Variants in SLC12A2 observed in about 807,000 individuals in gnomAD.
SLC12A2 encodes Na-K-2Cl cotransporter 1.
A neutral mutation model predicts 136.3 loss-of-function variants in SLC12A2; 67 were observed. The ratio of observed to expected loss-of-function variants is 0.49; its 90% confidence interval spans 0.40 to 0.60. The LOEUF is 0.60. SLC12A2 is among the 20% of genes least tolerant of loss of function. The pLI is 0.00. For synonymous variants in SLC12A2, 619 were observed against 562.9 expected, an observed-to-expected ratio of 1.10 and a Z score of -1.41; for missense variants, 1,322 against 1,534.7, an observed-to-expected ratio of 0.86 and a Z score of 2.32.
intron 1 of SLC12A2, among the ~76,000 whole-genome samples, chr5:128,088,501 A>G (rs1050798479): frequency 2.0e-5 from 3 of 152,214 alleles, no homozygotes; most frequent in Non-Finnish European, 2.9e-5. Context: ...TAGACAATCC[A>G]TACTAGCTCC....
intron 12 of SLC12A2, 75 bp downstream of exon 12, chr5:128,148,952 T>A: frequency 8.1e-7 from 1 of 1,236,746 alleles, no homozygotes; most frequent in Non-Finnish European, 1.1e-6. Flanking sequence ...ATTAAATTAT[T>A]AACAATGTTA....
intron 10 of SLC12A2, among the ~76,000 whole-genome samples, chr5:128,145,988 A>G (rs1323684855): frequency 1.3e-5 from 2 of 151,976 alleles, no homozygotes; most frequent in Non-Finnish European, 2.9e-5. Flanking sequence ...ACAATAGTTG[A>G]ATCCACTAAA....
chr5:128,186,382 A>G lies in SLC12A2; in HGVS notation c.3504-114A>G, dbSNP rs937920330. 1.7e-5 allele frequency: 17 copies of G among 1,014,680 alleles called. No homozygotes were observed. In the Admixed American group the frequency reaches 1.7e-4, roughly 10 times the overall value. The allele number at this position is 1,014,680 out of a possible 1,614,324, so 62.9% of individuals were successfully genotyped here. A position where few individuals can be genotyped will look rare whatever the true frequency, so the allele number is the denominator to read the frequency against. ...CTGCACTCAGAAATATTCTGTAATTATAGTAATTTACAGTAACTGTTATTG... is the reference window on the plus strand; with the variant it reads ...CTGCACTCAGAAATATTCTGTAATTGTAGTAATTTACAGTAACTGTTATTG... On this transcript the variant is annotated intron_variant, in intron 26 of 26. Coordinates refer to ENST00000262461, the MANE Select transcript of SLC12A2 (RefSeq NM_001046.3).
At chr5:128,153,767 C>CT (rs1762785004) in intron 15 of SLC12A2, among the ~76,000 whole-genome samples, 1 of 152,122 alleles carries the variant, frequency 6.6e-6, no homozygotes, top group African/African-American at 2.4e-5. Context: ...TACCCAGTCT[C>CT]TCTCTCAGTA....
intron 12 of SLC12A2, 99 bp downstream of exon 12, chr5:128,148,976 A>T: frequency 9.5e-7 from 1 of 1,052,950 alleles, no homozygotes; most frequent in Non-Finnish European, 1.3e-6. Context: ...TGGTATACTA[A>T]GTTTCTTTGT....
chr5:128,130,897 G>A (rs556760489), intron 4 of SLC12A2, among the ~76,000 whole-genome samples, 170 bp from the exon 5 acceptor site: 38 of 152,212 alleles, frequency 2.5e-4, no homozygotes, highest in African/African-American at 8.7e-4. Flanking sequence ...CGTGTTTTGT[G>A]AAATATTCTT....
At position 128,083,988 on chromosome 5, in the gene SLC12A2, G is replaced by A; in HGVS notation, c.34G>A (p.Ala12Thr). Residue 12 changes from alanine (A) to threonine (T), a missense_variant, in exon 1 of 27, where the codon GCC (alanine) becomes ACC (threonine). Transcript: ENST00000262461. ...EPRPTAPSSG[A>T]PGLAGVGETP... ...GCGGCCCACGGCGCCCTCCTCCGGC[G>A]CCCCGGGACTGGCCGGGGTCGGGGA... 1 of 1,243,244 alleles carries A rather than the reference G, an allele frequency of 8.0e-7. No individual in the cohort carries two copies. The highest frequency in any genetic ancestry group is 4.3e-5 in the Admixed American group (1 of 23,390). 77.0% of individuals were successfully genotyped at this position (1,243,244 alleles called of 1,614,324 possible).
chr5:128,173,947 G>T (rs566304920), intron 19 of SLC12A2, among the ~76,000 whole-genome samples: 7 of 152,260 alleles, frequency 4.6e-5, no homozygotes, highest in Admixed American at 2.0e-4. Flanking sequence ...ACTCCATTTG[G>T]TGGTCTTGGT....
At chr5:128,098,106 A>G (rs1112956) in intron 1 of SLC12A2, among the ~76,000 whole-genome samples, 125,384 of 152,042 alleles carry the variant, frequency 0.82, 52,376 homozygotes, top group African/African-American at 0.95. Context: ...TTTACCTTTG[A>G]CTTTCAGCAG....
intron 5 of SLC12A2, among the ~76,000 whole-genome samples, chr5:128,133,500 T>C (rs577759540): frequency 1.3e-4 from 20 of 152,272 alleles, no homozygotes; most frequent in Middle Eastern, 3.4e-3. Flanking sequence ...ATCTGTACTT[T>C]AGTCAATTGC....
chr5:128,156,828 G>C (rs1561692754), intron 15 of SLC12A2, among the ~76,000 whole-genome samples: 1 of 152,118 alleles, frequency 6.6e-6, no homozygotes. Flanking sequence ...AGAATGTATG[G>C]AGGCAGCACA....
rs547287105 is a variant in SLC12A2 at position 128,164,990 on chromosome 5, G to A, written c.2617-2771G>A. Among the ~76,000 whole-genome samples, 124 of 151,808 alleles carry A rather than the reference G, an allele frequency of 8.2e-4. No individual in the cohort carries two copies. The Middle Eastern group carries it at 0.017, about 21-fold the overall frequency. On this transcript the variant is annotated intron_variant, in intron 17 of 26. Transcript: ENST00000262461. ...CCTGAGTAGCTGGGACCATAGGCGTGCGCTACCATGGCTGGCTAGTTTTTG... is the reference window on the plus strand; with the variant it reads ...CCTGAGTAGCTGGGACCATAGGCGTACGCTACCATGGCTGGCTAGTTTTTG...
chr5:128,094,668 T>A (rs2126644429), intron 1 of SLC12A2, among the ~76,000 whole-genome samples: 1 of 152,210 alleles, frequency 6.6e-6, no homozygotes, highest in South Asian at 2.1e-4. Flanking sequence ...TAGAAAAATG[T>A]TCAAAAAATT....
chr5:128,160,042 G>A (rs1366401034), intron 16 of SLC12A2, among the ~76,000 whole-genome samples: 1 of 152,150 alleles, frequency 6.6e-6, no homozygotes, highest in Non-Finnish European at 1.5e-5. Flanking sequence ...TATACACAAT[G>A]GAATACTATG....
In SLC12A2 at chr5:128,084,162, A is replaced by G. The variant is rs1343216649; in HGVS notation, c.208A>G (p.Arg70Gly). 1 of 1,300,382 alleles carries G rather than the reference A, an allele frequency of 7.7e-7. No individual in the cohort carries two copies. The highest frequency in any genetic ancestry group is 2.3e-5 in the South Asian group (1 of 43,054). The allele number at this position is 1,300,382 out of a possible 1,614,324, so 80.6% of individuals were successfully genotyped here. ...GPAAAGDGLG[R>G]PLGPTPSQSR... is the part of the protein sequence containing the mutation. ...CGCGGCGGCCGGGGACGGGCTGGGC[A>G]GACCCTTGGGGCCCACCCCGAGCCA... Residue 70 changes from arginine to glycine, a missense_variant, in exon 1 of 27, where the codon AGA becomes GGA. By Grantham distance (125) the Arg-to-Gly change is moderately radical. Around this residue, in one of 8 missense-constraint regions of SLC12A2, gnomAD observed 358 missense variants for 299.7 expected, o/e 1.19. Coordinates refer to ENST00000262461, the MANE Select transcript of SLC12A2 (RefSeq NM_001046.3). This position sits in a 1 kb window ranked among gnomAD's most constrained non-coding sequence, Gnocchi z 5.6.
chr5:128,107,064 T>G (rs942499295), intron 1 of SLC12A2, among the ~76,000 whole-genome samples: 1 of 152,216 alleles, frequency 6.6e-6, no homozygotes, highest in Admixed American at 6.5e-5. Flanking sequence ...TCCTTAAAGT[T>G]TGTTGAATTA....
At chr5:128,132,146 G>A (rs1762045485) in intron 5 of SLC12A2, among the ~76,000 whole-genome samples, 1 of 152,158 alleles carries the variant, frequency 6.6e-6, no homozygotes, top group Non-Finnish European at 1.5e-5. Context: ...TTGGGATTGG[G>A]GGGCGTGACA....
intron 4 of SLC12A2, among the ~76,000 whole-genome samples, chr5:128,115,720 C>T (rs1448029423): frequency 1.3e-5 from 2 of 152,184 alleles, no homozygotes; most frequent in Non-Finnish European, 2.9e-5. Flanking sequence ...TTTCATCTGC[C>T]TCAACTGTTT....
chr5:128,147,649 C>G lies in SLC12A2; in HGVS notation c.1801C>G (p.Pro601Ala). ...AATGAGTATGGTGTCAGGATTTACACCACTAATTTCTGCAGGTATATTTTC... is the reference window on the plus strand; with the variant it reads ...AATGAGTATGGTGTCAGGATTTACAGCACTAATTTCTGCAGGTATATTTTC... ...QVMSMVSGFT[P>A]LISAGIFSAT... Residue 601 changes from proline (P) to alanine (A), a missense_variant, in exon 11 of 27, where the codon CCA (proline) becomes GCA (alanine). Around this residue, in one of 8 missense-constraint regions of SLC12A2, gnomAD observed 294 missense variants for 436.6 expected, o/e 0.67. Coordinates refer to ENST00000262461, the MANE Select transcript of SLC12A2 (RefSeq NM_001046.3). The G allele has an allele frequency of 6.2e-7, 1 of 1,609,252 alleles. No individual in the cohort carries two copies. Among genetic ancestry groups the G allele is most frequent in the Middle Eastern group, 1.7e-4 (1 of 6,042 alleles).
Sources: gnomAD v4.1 joint callset for allele counts (sites outside exome capture counted in the v4.1 genomes callset) on GRCh38, gnomAD v4.1.1 for gene constraint, gnomAD v4.1.1 regional missense constraint, Gnocchi (gnomAD v3.1) non-coding constraint, MANE v1.5 for transcripts, NCBI Gene and HGNC (gene_info 2026-07-23, HGNC 2026-07-21) for gene names.